The following RAD21L1 variants were observed in gnomAD, a reference collection of about 807,000 sequenced individuals.
RAD21L1 encodes the protein RAD21 cohesin complex component like 1.
In RAD21L1, 47 loss-of-function variants were observed where a neutral mutation model predicts 69.0. That is an observed-to-expected ratio of 0.68 (90% CI 0.54 to 0.87). The LOEUF (loss-of-function observed/expected upper bound fraction) is 0.87, where lower values mean the gene tolerates loss of function less well. Ranked by LOEUF, RAD21L1 falls within the 40% of genes least tolerant of loss-of-function variation. RAD21L1 has a pLI of 0.00. For missense variants in RAD21L1, 583 were observed against 647.6 expected, an observed-to-expected ratio of 0.90 and a Z score of 1.08; for synonymous variants, 177 against 205.8, an observed-to-expected ratio of 0.86 and a Z score of 1.20.
intron 3 of RAD21L1, 69 bp from the exon 4 acceptor site, chr20:1,231,457 A>G: frequency 1.3e-6 from 1 of 758,282 alleles, no homozygotes; most frequent in Non-Finnish European, 2.3e-6. Flanking sequence ...AAGAATATAG[A>G]GTTAGTTGGG....
intron 13 of RAD21L1, among the ~76,000 whole-genome samples, chr20:1,250,766 C>G (rs1175251549): frequency 2.6e-5 from 4 of 152,148 alleles, no homozygotes; most frequent in Non-Finnish European, 5.9e-5. Context: ...TTTTTCCAAA[C>G]TCAGACAATA....
At position 1,243,150 on chromosome 20, in the gene RAD21L1, A is replaced by G; in HGVS notation, c.1137A>G (p.Ile379Met). The G allele has an allele frequency of 6.5e-7, 1 of 1,539,894 alleles. No individual in the cohort carries two copies. Among genetic ancestry groups the G allele is most frequent in the Non-Finnish European group, 8.8e-7 (1 of 1,141,854 alleles). The change falls in exon 10 of 14, where the codon ATA becomes ATG. Residue 379 changes from isoleucine to methionine, a missense_variant. Ile to Met is a conservative substitution (Grantham distance 10, BLOSUM62 1). Transcript: ENST00000683101. ...GCTTTAAACTTGGAAGAAAAATGATACAGAAGGAGTCAGTAAGGGAAGAAG... is the reference window on the plus strand; with the variant it reads ...GCTTTAAACTTGGAAGAAAAATGATGCAGAAGGAGTCAGTAAGGGAAGAAG... ...SSGFKLGRKM[I>M]QKESVREEVG...
intron 8 of RAD21L1, 134 bp downstream of exon 8, chr20:1,240,568 G>C (rs1568521745): frequency 7.5e-7 from 1 of 1,329,106 alleles, no homozygotes. Context: ...CAATAGAGGA[G>C]AAGACGGTGA....
intron 11 of RAD21L1, among the ~76,000 whole-genome samples, chr20:1,245,374 AT>A (rs1568525175): frequency 6.6e-6 from 1 of 152,182 alleles, no homozygotes; most frequent in African/African-American, 2.4e-5. Flanking sequence ...AATTGAGAGT[AT>A]CAAAAATGTA....
intron 13 of RAD21L1, among the ~76,000 whole-genome samples, chr20:1,249,594 A>G (rs1457832686): frequency 6.6e-6 from 1 of 152,214 alleles, no homozygotes; most frequent in East Asian, 1.9e-4. Context: ...TAAGAGTACA[A>G]CCCAGAAATT....
chr20:1,226,805 T>A (rs2087273301), intron 1 of RAD21L1, among the ~76,000 whole-genome samples: 1 of 152,162 alleles, frequency 6.6e-6, no homozygotes, highest in African/African-American at 2.4e-5. Context: ...GGAAAAAGGT[T>A]AGGTAATATG....
Position 1,238,077 on chromosome 20 carries a change from T to C in RAD21L1, c.509T>C (p.Phe170Ser), listed in dbSNP as rs1440890813. The change falls in exon 6 of 14, where the codon TTC (phenylalanine) becomes TCC (serine). Residue 170 changes from phenylalanine (F) to serine (S), a missense_variant. Physicochemically the swap from Phe to Ser is radical, Grantham distance 155. Coordinates refer to ENST00000683101, the MANE Select transcript of RAD21L1 (RefSeq NM_001384355.1). The stretch of plus-strand genomic sequence containing the variant: ...TCTGAAATTCTCAGAAGACATAGCT[T>C]CTTTGATGACAACATATTACTGAAT... ...EESEILRRHS[F>S]FDDNILLNSS... 3.3e-6 allele frequency: 5 copies of C among 1,532,004 alleles called. No homozygotes were observed. In the African/African-American group the frequency reaches 5.5e-5, roughly 17 times the overall value. 94.9% of individuals were successfully genotyped at this position (1,532,004 alleles called of 1,614,324 possible).
chr20:1,251,028 G>T (rs1429724770), intron 13 of RAD21L1, among the ~76,000 whole-genome samples: 5 of 152,118 alleles, frequency 3.3e-5, no homozygotes, highest in African/African-American at 1.2e-4. Flanking sequence ...GGTTTTGGGT[G>T]CTTTGATCTT....
chr20:1,252,228 G>A (rs1235527406), intron 13 of RAD21L1, among the ~76,000 whole-genome samples: 1 of 152,114 alleles, frequency 6.6e-6, no homozygotes, highest in Non-Finnish European at 1.5e-5. Context: ...CAAATGTCTT[G>A]TAGATCCTAG....
At chr20:1,245,779 T>A (rs1338072721) in intron 11 of RAD21L1, among the ~76,000 whole-genome samples, 8 of 152,048 alleles carry the variant, frequency 5.3e-5, no homozygotes, top group African/African-American at 1.9e-4. Context: ...TTAATATCCC[T>A]TTCCTCACTC....
rs1461810841 is a variant in RAD21L1 at position 1,240,314 on chromosome 20, T to C, written c.743-7T>C. The C allele has an allele frequency of 7.9e-6, 12 of 1,527,514 alleles. No individual in the cohort carries two copies. The highest frequency in any genetic ancestry group is 1.7e-4 in the Middle Eastern group (1 of 5,938). The allele number at this position is 1,527,514 out of a possible 1,614,324, so 94.6% of individuals were successfully genotyped here. On this transcript the variant is annotated splice_region_variant and splice_polypyrimidine_tract_variant and intron_variant, in intron 7 of 13. Transcript: ENST00000683101. ...TTTACAATTACTTTTATGTGGATGT[T>C]GATTAGTTGAACCAGATAACTCAGA... is the stretch of plus-strand genomic sequence containing the variant.
chr20:1,236,367 C>T (rs1309908045), intron 5 of RAD21L1, among the ~76,000 whole-genome samples: 1 of 152,174 alleles, frequency 6.6e-6, no homozygotes, highest in Non-Finnish European at 1.5e-5. Flanking sequence ...GTATCACATA[C>T]TTCTACCTAT....
chr20:1,237,737 A>T (rs2087529488), intron 5 of RAD21L1, among the ~76,000 whole-genome samples: 1 of 152,182 alleles, frequency 6.6e-6, no homozygotes, highest in African/African-American at 2.4e-5. Flanking sequence ...ACTTACCTAA[A>T]ATAGAATAAA....
At chr20:1,230,793 T>C in intron 3 of RAD21L1, 2 of 500,810 alleles carry the variant, frequency 4.0e-6, no homozygotes, top group Non-Finnish European at 5.2e-6. Flanking sequence ...GTTCATTTGT[T>C]CGTTTATTAT....
At chr20:1,251,496 T>A (rs957237213) in intron 13 of RAD21L1, among the ~76,000 whole-genome samples, 36 of 151,994 alleles carry the variant, frequency 2.4e-4, no homozygotes, top group Non-Finnish European at 2.8e-4. Context: ...TGTTATTTTT[T>A]AAAGTTTTTC....
chr20:1,228,111 G>A (rs2087302797), intron 1 of RAD21L1, among the ~76,000 whole-genome samples: 1 of 151,752 alleles, frequency 6.6e-6, no homozygotes, highest in Non-Finnish European at 1.5e-5. Context: ...TCCTTTATTT[G>A]ACCATGTTAG....
chr20:1,255,337 T>C lies in RAD21L1; in HGVS notation c.*880T>C, dbSNP rs2087914053. Reference sequence around the variant, plus strand: ...AAATAAATGTTCTTTTGTTTGGTGTTTACTGAACATTTTTGACATTAAAAC... The same window carrying C: ...AAATAAATGTTCTTTTGTTTGGTGTCTACTGAACATTTTTGACATTAAAAC... On this transcript the variant is annotated 3_prime_UTR_variant, in exon 14 of 14. Coordinates refer to ENST00000683101, the MANE Select transcript of RAD21L1 (RefSeq NM_001384355.1). 6.6e-6 allele frequency among the ~76,000 whole-genome samples: 1 copy of C among 152,222 alleles called. No individual in the cohort carries two copies. Among genetic ancestry groups the C allele is most frequent in the African/African-American group, 2.4e-5 (1 of 41,456 alleles).
chr20:1,230,431 T>C (rs1204732169), intron 3 of RAD21L1: 3 of 415,680 alleles, frequency 7.2e-6, no homozygotes, highest in African/African-American at 4.3e-5. Flanking sequence ...TTATGACATA[T>C]CAAAAATTCC....
Position 1,239,400 on chromosome 20 carries a change from T to G in RAD21L1, c.735T>G (p.Ser245Arg), listed in dbSNP as rs2087562598. ...CCCTGCCTTCTGAGCCTCCCAATAG[T>G]TTAGCAGGTAGGTTGAAATTTTCCT... The part of the protein sequence containing the change: ...EISLPSEPPN[S>R]LAVEPDNSEC... The change falls in exon 7 of 14, where the codon AGT becomes AGG. Residue 245 changes from serine to arginine, a missense_variant. Transcript: ENST00000683101. The G allele has an allele frequency of 4.6e-6, 7 of 1,536,562 alleles. No homozygotes were observed. The highest frequency in any genetic ancestry group is 5.3e-6 in the Non-Finnish European group (6 of 1,134,150).
Sources: allele counts gnomAD v4.1 joint callset (sites outside exome capture counted in the v4.1 genomes callset), GRCh38; gene constraint gnomAD v4.1.1; transcripts MANE v1.5; gene names NCBI Gene and HGNC (gene_info 2026-07-23, HGNC 2026-07-21).